The following SLC16A10 variants were observed in gnomAD, a reference collection of about 807,000 sequenced individuals.
The protein encoded by SLC16A10 is monocarboxylate transporter 10.
In SLC16A10, 27 loss-of-function variants were observed where a neutral mutation model predicts 40.0. The observed-to-expected ratio is 0.67, with a 90% CI of 0.50 to 0.93. The LOEUF (loss-of-function observed/expected upper bound fraction) is 0.93. Ranked by LOEUF, SLC16A10 falls within the 40% of genes least tolerant of loss-of-function variation. The probability of loss-of-function intolerance (pLI) is 0.00; values close to 1 mark genes in which losing one functional copy is unlikely to be tolerated. For synonymous variants in SLC16A10, 213 were observed against 249.8 expected (o/e 0.85, Z 1.39); for missense variants, 529 against 658.2 (o/e 0.80, Z 2.15).
intron 1 of SLC16A10, among the ~76,000 whole-genome samples, chr6:111,107,675 T>C (rs1771307988): frequency 6.6e-6 from 1 of 152,178 alleles, no homozygotes; most frequent in African/African-American, 2.4e-5. Context: ...GCTTTACCAG[T>C]ATGATGCTGA....
intron 1 of SLC16A10, among the ~76,000 whole-genome samples, chr6:111,141,552 C>T (rs1450281903): frequency 6.6e-6 from 1 of 152,052 alleles, no homozygotes; most frequent in African/African-American, 2.4e-5. Context: ...ATCCCAGCTA[C>T]TTGGGAGGCG....
At chr6:111,190,143 C>G (rs1202291793) in intron 3 of SLC16A10, among the ~76,000 whole-genome samples, 4 of 152,112 alleles carry the variant, frequency 2.6e-5, no homozygotes, top group Admixed American at 2.6e-4. Flanking sequence ...AGACATTGGC[C>G]AAAATAAAGG....
intron 1 of SLC16A10, among the ~76,000 whole-genome samples, chr6:111,140,432 C>G (rs1463193776): frequency 6.6e-6 from 1 of 151,866 alleles, no homozygotes; most frequent in Non-Finnish European, 1.5e-5. Flanking sequence ...CACTGCACTC[C>G]AGCCTGGGCG....
Position 111,211,850 on chromosome 6 carries a change from T to G in SLC16A10, c.1086+5115T>G, listed in dbSNP as rs1309070432. 2.6e-5 allele frequency among the ~76,000 whole-genome samples: 4 copies of G among 152,246 alleles called. No individual in the cohort carries two copies. In the South Asian group the frequency reaches 6.2e-4, roughly 24 times the overall value. On this transcript the variant is annotated intron_variant, in intron 4 of 5. Coordinates refer to ENST00000368851, the MANE Select transcript of SLC16A10 (RefSeq NM_018593.5). ...CCAGCTCTGCCTGTTTGTTCCTTCC[T>G]TTTTCTCCATCCCTGGCTCTCTGCC...
In SLC16A10 at chr6:111,117,351, CAAAAAAAAAA is replaced by C. The variant is rs35235587; in HGVS notation, c.343+29272_343+29281del. On this transcript the variant is annotated intron_variant, in intron 1 of 5. Transcript: ENST00000368851. ...TGGGCGACAGAGCGAGACTCCGTCT[CAAAAAAAAAA>C]AAAAAAAAAAAAAAAGTGGGAGGGT... Among the ~76,000 whole-genome samples, 6 of 73,424 alleles carry C rather than the reference CAAAAAAAAAA, an allele frequency of 8.2e-5. No homozygotes were observed. The East Asian group carries it at 2.2e-3, about 27-fold the overall frequency. 48.2% of individuals were successfully genotyped at this position (73,424 alleles called of 152,430 possible). A position where few individuals can be genotyped will look rare whatever the true frequency, so the allele number is the denominator to read the frequency against.
intron 1 of SLC16A10, among the ~76,000 whole-genome samples, chr6:111,101,327 C>T (rs2114441860): frequency 6.6e-6 from 1 of 152,136 alleles, no homozygotes; most frequent in East Asian, 1.9e-4. Context: ...CCACTGCGCC[C>T]AGCCTAGATT....
chr6:111,187,705 C>A (rs987684406), intron 3 of SLC16A10, among the ~76,000 whole-genome samples: 1 of 152,174 alleles, frequency 6.6e-6, no homozygotes, highest in Non-Finnish European at 1.5e-5. Flanking sequence ...TCTGTCCTAA[C>A]CCTGGTCAAC....
Position 111,177,606 on chromosome 6 carries a change from G to T in SLC16A10, c.883G>T (p.Val295Leu). 6.2e-7 allele frequency: 1 copy of T among 1,602,606 alleles called. No homozygotes were observed. Among genetic ancestry groups the T allele is most frequent in the African/African-American group, 1.3e-5 (1 of 74,490 alleles). ...FAIFKVTAYAVWAVGIPLALF... is the reference protein window; with the variant it reads ...FAIFKVTAYALWAVGIPLALF... ...CATCTTCAAGGTGACAGCTTATGCA[G>T]TGTGGGCAGTTGGAATACCACTTGC... Residue 295 changes from valine (V) to leucine (L), a missense_variant, in exon 3 of 6, where the codon GTG becomes TTG. Transcript: ENST00000368851.
intron 3 of SLC16A10, among the ~76,000 whole-genome samples, chr6:111,192,564 C>T (rs1346009536): frequency 1.3e-5 from 2 of 152,202 alleles, no homozygotes; most frequent in Non-Finnish European, 2.9e-5. Context: ...GGTACCTTTA[C>T]AGCAGCACCC....
In SLC16A10 at chr6:111,150,406, A is replaced by G. The variant is rs187441181; in HGVS notation, c.344-22289A>G. Among the ~76,000 whole-genome samples the G allele has an allele frequency of 9.4e-3, 1,428 of 152,340 alleles. 6 individuals are homozygous for G. The highest frequency in any genetic ancestry group is 0.017 in the African/African-American group (719 of 41,572). ...CAAAAAACAGACTGAGACACTTAATATATATGAAGCATCTAGACTGTCTGG... is the reference window on the plus strand; with the variant it reads ...CAAAAAACAGACTGAGACACTTAATGTATATGAAGCATCTAGACTGTCTGG... On this transcript the variant is annotated intron_variant, in intron 1 of 5. Transcript: ENST00000368851.
rs983630341 is a variant in SLC16A10, at chr6:111,222,128, A to G, written c.1441A>G (p.Ser481Gly). The G allele has an allele frequency of 2.5e-6, 4 of 1,608,768 alleles. No homozygotes were observed. The highest frequency in any genetic ancestry group is 3.4e-6 in the Non-Finnish European group (4 of 1,178,830). ...WIHSKKQREI[S>G]KTTGKEKMEK... ...CCATAGTAAGAAGCAAAGAGAGATC[A>G]GTAAAACCACTGGAAAAGAAAAGAT... Residue 481 changes from serine to glycine, a missense_variant, in exon 6 of 6, where the codon AGT (serine) becomes GGT (glycine). Transcript: ENST00000368851.
intron 3 of SLC16A10, among the ~76,000 whole-genome samples, chr6:111,179,164 C>A (rs1489810369): frequency 6.6e-6 from 1 of 152,060 alleles, no homozygotes; most frequent in Non-Finnish European, 1.5e-5. Context: ...CACATGAACA[C>A]ACCTAGAGAA....
At chr6:111,204,785 T>G (rs1235566752) in intron 3 of SLC16A10, among the ~76,000 whole-genome samples, 1 of 152,200 alleles carries the variant, frequency 6.6e-6, no homozygotes, top group Non-Finnish European at 1.5e-5. Context: ...ACTTTTCTTT[T>G]AAACTAAAGG....
chr6:111,225,765 C>CTCT lies in SLC16A10; in HGVS notation c.*3530_*3531insTCT, dbSNP rs1770985975. ...CGGGGAGGGGGAAGGCAACCTATAG[C>CTCT]ATGGGTGGCTCTGAGGAGTTCCTGC... On this transcript the variant is annotated 3_prime_UTR_variant, in exon 6 of 6. Transcript: ENST00000368851. 1 of 152,134 alleles carries CTCT rather than the reference C, an allele frequency of 6.6e-6. No individual in the cohort carries two copies. The highest frequency in any genetic ancestry group is 2.4e-5 in the African/African-American group (1 of 41,412). The allele number at this position is 152,134 out of a possible 1,614,324, so 9.4% of individuals were successfully genotyped here.
Position 111,177,613 on chromosome 6 carries a change from C to A in SLC16A10, c.890C>A (p.Ala297Glu). 1 of 1,597,674 alleles carries A rather than the reference C, an allele frequency of 6.3e-7. No homozygotes were observed. Among genetic ancestry groups the A allele is most frequent in the Non-Finnish European group, 8.5e-7 (1 of 1,172,074 alleles). Reference protein sequence around the residue: ...IFKVTAYAVWAVGIPLALFGY... With the variant: ...IFKVTAYAVWEVGIPLALFGY... ...AAGGTGACAGCTTATGCAGTGTGGG[C>A]AGTTGGAATACCACTTGCACTTTTT... The change falls in exon 3 of 6, where the codon GCA becomes GAA. Residue 297 changes from alanine to glutamate, a missense_variant. Transcript: ENST00000368851.
intron 4 of SLC16A10, among the ~76,000 whole-genome samples, chr6:111,207,671 C>T (rs1562433744): frequency 6.6e-6 from 1 of 152,056 alleles, no homozygotes; most frequent in East Asian, 1.9e-4. Flanking sequence ...AAGGGCTGAG[C>T]AGAGTTAAGA....
At position 111,191,436 on chromosome 6, in the gene SLC16A10, T is replaced by C. The variant is rs566095564; in HGVS notation, c.942+13771T>C. On this transcript the variant is annotated intron_variant, in intron 3 of 5. Transcript: ENST00000368851. ...GTCTATCACTGATGGGCATTTGGGT[T>C]GGTTCCAAGTCTTTGCTATTGTGAA... 1.7e-3 allele frequency among the ~76,000 whole-genome samples: 255 copies of C among 152,350 alleles called. 3 individuals carry two copies. Among genetic ancestry groups the C allele is most frequent in the African/African-American group, 5.6e-3 (233 of 41,576 alleles).
At chr6:111,119,755 G>A (rs1457141101) in intron 1 of SLC16A10, among the ~76,000 whole-genome samples, 3 of 152,208 alleles carry the variant, frequency 2.0e-5, no homozygotes, top group Non-Finnish European at 4.4e-5. Context: ...TGGTCAGATA[G>A]GATTAGTGTC....
intron 1 of SLC16A10, among the ~76,000 whole-genome samples, chr6:111,150,001 C>T (rs145693381): frequency 0.012 from 1,870 of 152,254 alleles, 17 homozygotes; most frequent in Middle Eastern, 0.034. Context: ...GAGTAGATAC[C>T]TCATAGAATT....
Sources: allele counts gnomAD v4.1 joint callset (sites outside exome capture counted in the v4.1 genomes callset), GRCh38; gene constraint gnomAD v4.1.1; transcripts MANE v1.5; gene names NCBI Gene and HGNC (gene_info 2026-07-23, HGNC 2026-07-21).